F11R: variants seen among roughly 807,000 people sequenced by gnomAD.
The protein encoded by F11R is junctional adhesion molecule A.
Under a neutral mutation model 39.3 loss-of-function variants are expected in F11R, and 27 were observed. That is an observed-to-expected ratio of 0.69 (90% CI 0.51 to 0.95). F11R has a LOEUF of 0.95. Ranked by LOEUF, F11R falls within the 40% of genes least tolerant of loss-of-function variation. F11R has a pLI of 0.00. For missense variants in F11R, 335 were observed against 372.7 expected (o/e 0.90, Z 0.83); for synonymous variants, 131 against 144.9 (o/e 0.90, Z 0.69).
At chr1:161,003,698 T>TC (rs1480926679) in intron 1 of F11R, among the ~76,000 whole-genome samples, 1 of 151,940 alleles carries the variant, frequency 6.6e-6, no homozygotes, top group Non-Finnish European at 1.5e-5. Context: ...TGCCCCAGCC[T>TC]CCTGAGTAGC....
In F11R at chr1:160,996,384, C is replaced by T. The variant is rs1012487294; in HGVS notation, c.*2487G>A. ...AACCATTCACCTCAAATTCACAGAGCCATGAATCACCTCTGCTTCCCCATG... is the reference window on the plus strand; with the variant it reads ...AACCATTCACCTCAAATTCACAGAGTCATGAATCACCTCTGCTTCCCCATG... On this transcript the variant is annotated 3_prime_UTR_variant, in exon 10 of 10. Coordinates refer to ENST00000368026, the MANE Select transcript of F11R (RefSeq NM_016946.6). 8 of 152,334 alleles carry T rather than the reference C, an allele frequency of 5.3e-5. No homozygotes were observed. Among genetic ancestry groups the T allele is most frequent in the African/African-American group, 1.9e-4 (8 of 41,448 alleles). 9.4% of individuals were successfully genotyped at this position (152,334 alleles called of 1,614,324 possible).
At chr1:161,007,557 C>T (rs903273376) in intron 1 of F11R, among the ~76,000 whole-genome samples, 1 of 151,940 alleles carries the variant, frequency 6.6e-6, no homozygotes. Context: ...TCTGAGTTTA[C>T]GCATCTGTAA....
At chr1:160,999,336 T>C (rs1648321685) in intron 8 of F11R, 60 bp downstream of exon 8, 1 of 1,611,874 alleles carries the variant, frequency 6.2e-7, no homozygotes, top group Admixed American at 1.7e-5. Flanking sequence ...CACTTCAGCT[T>C]CAAACCACAT....
At chr1:161,015,407 A>AAAAATATAT (rs571469825) in intron 1 of F11R, among the ~76,000 whole-genome samples, 1 of 136,136 alleles carries the variant, frequency 7.3e-6, no homozygotes, top group Non-Finnish European at 1.6e-5. Context: ...CAAAAAAAAA[A>AAAAATATAT]ATATATATAT....
chr1:161,011,464 A>C (rs1649154716), intron 1 of F11R, among the ~76,000 whole-genome samples: 1 of 152,186 alleles, frequency 6.6e-6, no homozygotes, highest in Non-Finnish European at 1.5e-5. Context: ...ATTTTGGGCC[A>C]GGCGCGGTGG....
At chr1:161,011,773 C>G (rs1167895011) in intron 1 of F11R, among the ~76,000 whole-genome samples, 1 of 151,658 alleles carries the variant, frequency 6.6e-6, no homozygotes, top group African/African-American at 2.4e-5. Context: ...ATAGACGTAT[C>G]TCACACATTA....
At position 161,007,167 on chromosome 1, in the gene F11R, C is replaced by CA. The variant is rs558492593; in HGVS notation, c.65-5815dup. Among the ~76,000 whole-genome samples, 824 of 94,228 alleles carry CA rather than the reference C, an allele frequency of 8.7e-3. 6 individuals carry two copies. The highest frequency in any genetic ancestry group is 0.027 in the Admixed American group (244 of 8,876). 61.8% of individuals were successfully genotyped at this position (94,228 alleles called of 152,430 possible). A position where few individuals can be genotyped will look rare whatever the true frequency, so the allele number is the denominator to read the frequency against. The stretch of plus-strand genomic sequence containing the variant: ...GCCTGGGCAACAAGAAACTCCGTCT[C>CA]AAAAAAAAAAAAAAAATGCTGGGCG... On this transcript the variant is annotated intron_variant, in intron 1 of 9. Transcript: ENST00000368026.
chr1:161,000,916 C>T, intron 3 of F11R, 104 bp downstream of exon 3: 1 of 1,472,066 alleles, frequency 6.8e-7, no homozygotes, highest in South Asian at 1.2e-5. Context: ...GACTTCAGCC[C>T]CAGGGTGTGC....
At chr1:161,001,550 T>C (rs1219376469) in intron 1 of F11R, among the ~76,000 whole-genome samples, 197 bp from the exon 2 acceptor site, 1 of 152,262 alleles carries the variant, frequency 6.6e-6, no homozygotes, top group African/African-American at 2.4e-5. Context: ...TTTGCTACAA[T>C]TGCCAGCTAA....
chr1:161,000,061 C>T (rs1445153274), intron 5 of F11R, 83 bp from the exon 6 acceptor site: 11 of 1,597,522 alleles, frequency 6.9e-6, no homozygotes, highest in Non-Finnish European at 9.4e-6. Context: ...GTTCCAAGTT[C>T]ACCCTGTTGC....
In F11R at chr1:161,004,064, A is replaced by AT. The variant is rs1472082280; in HGVS notation, c.65-2712dup. On this transcript the variant is annotated intron_variant, in intron 1 of 9. Coordinates refer to ENST00000368026, the MANE Select transcript of F11R (RefSeq NM_016946.6). ...CAAGCGTGAGCCACCGCGCCCGGCAATTTTTTGTATTTTTAGTAGACAGGG... is the reference window on the plus strand; with the variant it reads ...CAAGCGTGAGCCACCGCGCCCGGCAATTTTTTTGTATTTTTAGTAGACAGGG... Among the ~76,000 whole-genome samples the AT allele has an allele frequency of 2.0e-5, 3 of 152,014 alleles. No homozygotes were observed. In the South Asian group the frequency reaches 6.2e-4, roughly 32 times the overall value.
At position 160,998,500 on chromosome 1, in the gene F11R, C is replaced by G. The variant is rs1159681823; in HGVS notation, c.*371G>C. The G allele has an allele frequency of 5.0e-6, 2 of 403,132 alleles. No individual in the cohort carries two copies. Among genetic ancestry groups the G allele is most frequent in the African/African-American group, 2.0e-5 (1 of 49,576 alleles). 25.0% of individuals were successfully genotyped at this position (403,132 alleles called of 1,614,324 possible). On this transcript the variant is annotated 3_prime_UTR_variant, in exon 10 of 10. Coordinates refer to ENST00000368026, the MANE Select transcript of F11R (RefSeq NM_016946.6). ...GAGCCCAGAACCAAGCTCAAGATAC[C>G]TATTCAAAGATCCCTGCCAGCCAGG... is the stretch of plus-strand genomic sequence containing the variant.
chr1:160,999,846 C>T, intron 6 of F11R, 30 bp downstream of exon 6: 1 of 1,611,078 alleles, frequency 6.2e-7, no homozygotes, highest in Non-Finnish European at 8.5e-7. Context: ...AATCCCCACC[C>T]CAGGTCTGGG....
intron 1 of F11R, among the ~76,000 whole-genome samples, chr1:161,013,558 C>T (rs1230480190): frequency 6.6e-6 from 1 of 152,168 alleles, no homozygotes; most frequent in East Asian, 1.9e-4. Flanking sequence ...TCAAGAGGCT[C>T]CATGGGCCAG....
chr1:161,005,150 ACT>A (rs903099399), intron 1 of F11R, among the ~76,000 whole-genome samples: 3 of 145,164 alleles, frequency 2.1e-5, no homozygotes, highest in Non-Finnish European at 3.0e-5. Context: ...ACAGAGCAAG[ACT>A]CTGTCTCAAA....
At position 160,998,901 on chromosome 1, in the gene F11R, T is replaced by G. The variant is rs1290013040; in HGVS notation, c.870A>C (p.Glu290Asp). 1 of 1,614,180 alleles carries G rather than the reference T, an allele frequency of 6.2e-7. No individual in the cohort carries two copies. ...YSQPSARSEG[E>D]FKQTSSFLV is the part of the protein sequence containing the mutation. ...CCAGGAATGACGAGGTCTGTTTGAA[T>G]TCTCCCTGCAGAAATAAAACATCCA... Residue 290 changes from glutamate (E) to aspartate (D), a missense_variant, in exon 10 of 10, where the codon GAA becomes GAC. Transcript: ENST00000368026.
Position 161,000,997 on chromosome 1 carries a change from AG to A in F11R, c.241+22del, listed in dbSNP as rs764117577. On this transcript the variant is annotated intron_variant, in intron 3 of 9. Coordinates refer to ENST00000368026, the MANE Select transcript of F11R (RefSeq NM_016946.6). ...TAATCCCTCCACAACCTAGGCAATCAGGAAGGAGGAGAAGCAACTCACCTGT... is the reference window on the plus strand; with the variant it reads ...TAATCCCTCCACAACCTAGGCAATCAGAAGGAGGAGAAGCAACTCACCTGT... The A allele has an allele frequency of 6.9e-6, 11 of 1,589,518 alleles. No homozygotes were observed. The East Asian group carries it at 2.5e-4, about 35-fold the overall frequency.
chr1:161,000,549 A>G, intron 4 of F11R, 82 bp downstream of exon 4: 5 of 1,583,752 alleles, frequency 3.2e-6, no homozygotes, highest in Non-Finnish European at 4.3e-6. Flanking sequence ...TATTCTCACC[A>G]TCAAAGAGCT....
At position 160,998,826 on chromosome 1, in the gene F11R, C is replaced by T. The variant is rs1305425242; in HGVS notation, c.*45G>A. 4.4e-6 allele frequency: 7 copies of T among 1,608,370 alleles called. No individual in the cohort carries two copies. The highest frequency in any genetic ancestry group is 6.0e-6 in the Non-Finnish European group (7 of 1,174,900). The stretch of plus-strand genomic sequence containing the variant: ...CATCAGGGGCCAGAGTCCGGTAGCA[C>T]CTGAGTAAGGCAAATGCAGATGATA... On this transcript the variant is annotated 3_prime_UTR_variant, in exon 10 of 10. Coordinates refer to ENST00000368026, the MANE Select transcript of F11R (RefSeq NM_016946.6).
Sources: gnomAD v4.1 joint callset for allele counts (sites outside exome capture counted in the v4.1 genomes callset) on GRCh38, gnomAD v4.1.1 for gene constraint, MANE v1.5 for transcripts, NCBI Gene and HGNC (gene_info 2026-07-23, HGNC 2026-07-21) for gene names.